Variants in PRKCQ observed in about 807,000 individuals in gnomAD.
PRKCQ encodes the protein protein kinase C theta, also known as protein kinase C theta type.
A neutral mutation model predicts 91.2 loss-of-function variants in PRKCQ; 41 were observed. The observed-to-expected ratio is 0.45, with a 90% CI of 0.35 to 0.58. The LOEUF is 0.58. Among genes scored for constraint, PRKCQ ranks in the 20% least tolerant of loss-of-function variants. The pLI is 0.00. For missense variants in PRKCQ, 673 were observed against 896.5 expected, an observed-to-expected ratio of 0.75 and a Z score of 3.18; for synonymous variants, 307 against 316.9, an observed-to-expected ratio of 0.97 and a Z score of 0.33.
At chr10:6,408,046 G>A in the PRKCQ span, among the ~76,000 whole-genome samples, 1 of 84,228 alleles carries the variant, frequency 1.2e-5, no homozygotes, top group African/African-American at 5.6e-5. Context: ...TCTTGTGTCA[G>A]TTTTTTTTTT....
At chr10:6,468,929 G>T (rs1056717372) in intron 12 of PRKCQ, among the ~76,000 whole-genome samples, 2 of 152,174 alleles carry the variant, frequency 1.3e-5, no homozygotes, top group African/African-American at 4.8e-5. Flanking sequence ...CTCTGAAGAA[G>T]AAAGGGGAGC....
chr10:6,494,276 C>T (rs904327175), intron 7 of PRKCQ, among the ~76,000 whole-genome samples: 2 of 152,186 alleles, frequency 1.3e-5, no homozygotes, highest in African/African-American at 2.4e-5. Flanking sequence ...AGGCCCTCTT[C>T]GCTTCCTGCC....
chr10:6,451,919 A>C (rs1241420992), intron 15 of PRKCQ, among the ~76,000 whole-genome samples: 1 of 152,238 alleles, frequency 6.6e-6, no homozygotes, highest in Non-Finnish European at 1.5e-5. Context: ...TATTGATGGG[A>C]TGTATCTCAA....
In PRKCQ at chr10:6,428,290, T is replaced by C; in HGVS notation, c.2038A>G (p.Arg680Gly). The C allele has an allele frequency of 6.2e-7, 1 of 1,614,244 alleles. No homozygotes were observed. Among genetic ancestry groups the C allele is most frequent in the Non-Finnish European group, 8.5e-7 (1 of 1,180,040 alleles). The part of the protein sequence containing the change: ...NEKPRLSFAD[R>G]ALINSMDQNM... ...TGGTCCATGCTGTTGATCAGTGCTC[T>C]GTCGGCAAATGACAGCCGGGGCTTC... Residue 680 changes from arginine (R) to glycine (G), a missense_variant, in exon 18 of 18, where the codon AGA becomes GGA. Transcript: ENST00000263125.
chr10:6,526,828 G>A (rs1241632756), intron 1 of PRKCQ, among the ~76,000 whole-genome samples: 1 of 152,176 alleles, frequency 6.6e-6, no homozygotes, highest in Non-Finnish European at 1.5e-5. Flanking sequence ...ACCTAGAAAG[G>A]GGGTACCCTG....
chr10:6,561,416 T>C (rs1840631973), intron 1 of PRKCQ, among the ~76,000 whole-genome samples: 1 of 142,376 alleles, frequency 7.0e-6, no homozygotes, highest in East Asian at 2.0e-4. Context: ...AAAAAAGAAA[T>C]GTTTCCTTGA....
intron 4 of PRKCQ, among the ~76,000 whole-genome samples, chr10:6,502,804 G>C (rs1338670120): frequency 6.6e-6 from 1 of 152,228 alleles, no homozygotes; most frequent in East Asian, 1.9e-4. Flanking sequence ...GTTTTGTGGA[G>C]TGAGTTATTA....
At chr10:6,562,222 A>C (rs1840660764) in intron 1 of PRKCQ, among the ~76,000 whole-genome samples, 1 of 152,098 alleles carries the variant, frequency 6.6e-6, no homozygotes, top group Non-Finnish European at 1.5e-5. Context: ...CAGCCTCATA[A>C]ATGCCCCGGT....
At chr10:6,541,083 T>C (rs1431317587) in intron 1 of PRKCQ, among the ~76,000 whole-genome samples, 1 of 152,256 alleles carries the variant, frequency 6.6e-6, no homozygotes, top group East Asian at 1.9e-4. Context: ...CTAGATGCAC[T>C]GAAGGTCCAT....
chr10:6,537,907 T>C (rs1172022272), intron 1 of PRKCQ, among the ~76,000 whole-genome samples: 5 of 152,130 alleles, frequency 3.3e-5, no homozygotes, highest in Non-Finnish European at 7.4e-5. Flanking sequence ...CACTTCCTCC[T>C]CCGAGGCCTC....
At chr10:6,443,218 G>A (rs1042614059) in intron 15 of PRKCQ, among the ~76,000 whole-genome samples, 2 of 152,180 alleles carry the variant, frequency 1.3e-5, no homozygotes, top group South Asian at 2.1e-4. Context: ...TCTGCTCAGC[G>A]TCTGACATCC....
chr10:6,433,972 A>G (rs1473564929), intron 16 of PRKCQ, among the ~76,000 whole-genome samples: 1 of 149,164 alleles, frequency 6.7e-6, no homozygotes, highest in South Asian at 2.1e-4. Context: ...TGGAGGTTGC[A>G]GTGAGCCGAG....
intron 15 of PRKCQ, 24 bp from the exon 16 acceptor site, chr10:6,442,105 GA>G: frequency 1.2e-6 from 2 of 1,600,508 alleles, no homozygotes; most frequent in Non-Finnish European, 1.7e-6. Flanking sequence ...AGGCAGACAG[GA>G]AATTAACAGG....
At chr10:6,412,043 A>T in the PRKCQ span, among the ~76,000 whole-genome samples, 1 of 152,224 alleles carries the variant, frequency 6.6e-6, no homozygotes, top group African/African-American at 2.4e-5. Context: ...CCCAGACAAT[A>T]GCTGGAAGTT....
chr10:6,396,735 T>C, the PRKCQ span, among the ~76,000 whole-genome samples: 1 of 152,264 alleles, frequency 6.6e-6, no homozygotes, highest in Admixed American at 6.5e-5. Flanking sequence ...ATGAATCATG[T>C]TGCAGCGAAG....
At chr10:6,491,579 G>A in intron 8 of PRKCQ, 104 bp downstream of exon 8, 5 of 1,460,078 alleles carry the variant, frequency 3.4e-6, no homozygotes, top group Non-Finnish European at 4.6e-6. Context: ...TGGGCTGGGT[G>A]TGGAAGTGGT....
chr10:6,507,810 C>T (rs1392463228), intron 3 of PRKCQ, among the ~76,000 whole-genome samples: 4 of 152,208 alleles, frequency 2.6e-5, no homozygotes, highest in Non-Finnish European at 5.9e-5. Flanking sequence ...AGGACTGTCA[C>T]AGGGCAGACC....
chr10:6,401,794 A>C, the PRKCQ span, among the ~76,000 whole-genome samples: 167 of 152,066 alleles, frequency 1.1e-3, 1 homozygote, highest in South Asian at 2.5e-3. Context: ...CTTTTTTCTT[A>C]TTATTTCCTA....
At chr10:6,515,288 T>C (rs1588368452) in intron 1 of PRKCQ, 144 bp from the exon 2 acceptor site, 5 of 1,530,788 alleles carry the variant, frequency 3.3e-6, no homozygotes, top group East Asian at 4.9e-5. Flanking sequence ...ATGTTTTCAC[T>C]TCCCCTTCTG....
Sources: gnomAD v4.1 joint callset for allele counts (sites outside exome capture counted in the v4.1 genomes callset) on GRCh38, gnomAD v4.1.1 for gene constraint, MANE v1.5 for transcripts, NCBI Gene and HGNC (gene_info 2026-07-23, HGNC 2026-07-21) for gene names.